Variants in SEPTIN3 observed in about 807,000 individuals in gnomAD.
The protein encoded by SEPTIN3 is septin 3.
SEPTIN3 carries 15 observed loss-of-function variants against 45.1 expected under a neutral mutation model. The observed-to-expected ratio is 0.33, with a 90% CI of 0.22 to 0.51. SEPTIN3 has a LOEUF of 0.51. Ranked by LOEUF, SEPTIN3 falls within the 20% of genes least tolerant of loss-of-function variation. SEPTIN3 has a pLI of 0.97. For synonymous variants in SEPTIN3, 148 were observed against 164.8 expected (o/e 0.90, Z 0.78); for missense variants, 289 against 457.2 (o/e 0.63, Z 3.35).
At chr22:41,977,885 C>T (rs2078055848) in intron 2 of SEPTIN3, among the ~76,000 whole-genome samples, 1 of 152,184 alleles carries the variant, frequency 6.6e-6, no homozygotes, top group Admixed American at 6.5e-5. Flanking sequence ...TTGGCTGCAA[C>T]CGAGTCAGGT....
chr22:41,982,463 ACG>A (rs1556252539), intron 3 of SEPTIN3, among the ~76,000 whole-genome samples: 2 of 151,480 alleles, frequency 1.3e-5, no homozygotes, highest in East Asian at 2.0e-4. Context: ...AGCTGAGATC[ACG>A]CCATTGCACT....
At chr22:41,977,197 C>G (rs2078042304) in intron 2 of SEPTIN3, 2 of 876,648 alleles carry the variant, frequency 2.3e-6, no homozygotes, top group Non-Finnish European at 3.4e-6. Flanking sequence ...GTGACAGATG[C>G]GCGGACACAC....
At chr22:41,974,621 C>T (rs1397261705) in intron 2 of SEPTIN3, among the ~76,000 whole-genome samples, 1 of 149,802 alleles carries the variant, frequency 6.7e-6, no homozygotes, top group Non-Finnish European at 1.5e-5. Flanking sequence ...CGAGATTGCG[C>T]CACTGCAATC....
intron 3 of SEPTIN3, among the ~76,000 whole-genome samples, chr22:41,983,578 C>G (rs1442483620): frequency 6.6e-6 from 1 of 152,234 alleles, no homozygotes; most frequent in African/African-American, 2.4e-5. Flanking sequence ...TCCCATCTAG[C>G]ATTGTACTCC....
chr22:41,992,848 G>C (rs73417074), intron 9 of SEPTIN3, 85 bp downstream of exon 9: 15 of 900,444 alleles, frequency 1.7e-5, no homozygotes, highest in Non-Finnish European at 2.5e-5. Context: ...TCAAGGCACT[G>C]TCTCAGGACA....
intron 7 of SEPTIN3, 77 bp from the exon 8 acceptor site, chr22:41,991,496 C>T: frequency 9.6e-7 from 1 of 1,040,826 alleles, no homozygotes. Context: ...GACCTCAGCT[C>T]ACGCACACAG....
chr22:41,975,677 G>A lies in SEPTIN3; in HGVS notation c.1504+2681G>A, dbSNP rs141519469. ...TTTTATTAGGTGCCTAGAAACCCGG[G>A]TATCCTCTTCTTCCTCATCTCTCTC... On this transcript the variant is annotated intron_variant, in intron 2 of 11. Transcript: ENST00000644076. Among the ~76,000 whole-genome samples, 4 of 152,198 alleles carry A rather than the reference G, an allele frequency of 2.6e-5. No homozygotes were observed. In the South Asian group the frequency reaches 6.2e-4, roughly 24 times the overall value.
intron 11 of SEPTIN3, chr22:41,995,696 T>A: frequency 4.1e-6 from 4 of 985,440 alleles, no homozygotes; most frequent in Non-Finnish European, 4.8e-6. Flanking sequence ...ACAAACAGAT[T>A]GCCAGAGAAA....
chr22:41,980,481 A>G (rs975631084), intron 2 of SEPTIN3, among the ~76,000 whole-genome samples: 4 of 152,076 alleles, frequency 2.6e-5, no homozygotes, highest in Non-Finnish European at 5.9e-5. Flanking sequence ...AGCTCACCAC[A>G]GTCTTAGTGA....
In SEPTIN3 at chr22:41,996,956, A is replaced by C; in HGVS notation, c.2560A>C (p.Thr854Pro). 1 of 1,613,834 alleles carries C rather than the reference A, an allele frequency of 6.2e-7. No homozygotes were observed. Among genetic ancestry groups the C allele is most frequent in the Non-Finnish European group, 8.5e-7 (1 of 1,179,864 alleles). ...ACCTGTGCCAGCCACCCCCTGCCCC[A>C]CTGCTGAATGAAGGCCATTTCAAGC... ...LPPVPATPCP[T>P]AE The change falls in exon 12 of 12, where the codon ACT (threonine) becomes CCT (proline). Residue 854 changes from threonine to proline, a missense_variant. This residue lies in a region of SEPTIN3 where 84 missense variants were observed against 114.7 expected (regional missense o/e 0.73). Coordinates refer to ENST00000644076, the MANE Select transcript of SEPTIN3 (RefSeq NM_001363845.2).
chr22:41,981,694 G>C lies in SEPTIN3; in HGVS notation c.1554G>C (p.Glu518Asp). ...TDAAMSELVP[E>D]PRPKPAVPMK... ...CAGCCATGTCAGAGCTGGTGCCTGA[G>C]CCCAGGCCTAAGCCAGCGGTGCCCA... Residue 518 changes from glutamate (E) to aspartate (D), a missense_variant, in exon 3 of 12, where the codon GAG (glutamate) becomes GAC (aspartate). Around this residue, in one of 3 missense-constraint regions of SEPTIN3, gnomAD observed 200 missense variants for 315.1 expected, o/e 0.63. Coordinates refer to ENST00000644076, the MANE Select transcript of SEPTIN3 (RefSeq NM_001363845.2). 6.2e-7 allele frequency: 1 copy of C among 1,613,870 alleles called. No homozygotes were observed. Among genetic ancestry groups the C allele is most frequent in the South Asian group, 1.1e-5 (1 of 91,050 alleles).
chr22:41,969,897 G>C (rs976344804), intron 1 of SEPTIN3, among the ~76,000 whole-genome samples: 3 of 152,136 alleles, frequency 2.0e-5, no homozygotes, highest in Non-Finnish European at 4.4e-5. Context: ...GTAAACGTGT[G>C]TGCCCAAGTG....
intron 2 of SEPTIN3, among the ~76,000 whole-genome samples, chr22:41,975,421 C>T (rs1178382854): frequency 6.6e-6 from 1 of 152,150 alleles, no homozygotes; most frequent in Non-Finnish European, 1.5e-5. Flanking sequence ...CCCACACACT[C>T]AGTCTGGGCA....
At position 41,972,043 on chromosome 22, in the gene SEPTIN3, AGCCCCT is replaced by A. The variant is rs1487333566; in HGVS notation, c.553_558del (p.Pro185_Leu186del). 1.8e-5 allele frequency: 7 copies of A among 399,030 alleles called. No homozygotes were observed. The highest frequency in any genetic ancestry group is 3.1e-5 in the Non-Finnish European group (7 of 226,148). 24.7% of individuals were successfully genotyped at this position (399,030 alleles called of 1,614,324 possible). On this transcript the variant is annotated inframe_deletion, in exon 2 of 12. Transcript: ENST00000644076. ...TCCAACAGGATGCTTGCCACGGAGA[AGCCCCT>A]GGTGAGTTCCTACCTAGCCTTACCT...
At chr22:41,971,118 C>CA (rs1362771921) in intron 1 of SEPTIN3, among the ~76,000 whole-genome samples, 1 of 152,180 alleles carries the variant, frequency 6.6e-6, no homozygotes, top group Non-Finnish European at 1.5e-5. Context: ...ATGTGACCTC[C>CA]ATAGAGCTGT....
At chr22:41,989,126 C>CAAAAAAAA (rs71184854) in intron 6 of SEPTIN3, among the ~76,000 whole-genome samples, 3 of 88,592 alleles carry the variant, frequency 3.4e-5, no homozygotes, top group Admixed American at 1.3e-4. Flanking sequence ...GACCCTGTCT[C>CAAAAAAAA]AAAAAAAAAA....
intron 2 of SEPTIN3, chr22:41,981,441 C>T: frequency 3.7e-6 from 2 of 544,366 alleles, no homozygotes; most frequent in Non-Finnish European, 3.3e-6. Context: ...CTCTGACCTG[C>T]TCTGTGTTCT....
At chr22:41,989,727 CT>C in intron 7 of SEPTIN3, 43 bp downstream of exon 7, 1 of 1,306,890 alleles carries the variant, frequency 7.7e-7, no homozygotes, top group South Asian at 1.2e-5. Context: ...CCATCCCCTC[CT>C]TTCTCTCCGC....
At position 41,972,986 on chromosome 22, in the gene SEPTIN3, A is replaced by C. The variant is rs576026343; in HGVS notation, c.1494A>C (p.Thr498=). The change falls in exon 2 of 12, where the codon ACA becomes ACC. Residue 498 remains threonine (T), a synonymous_variant. Coordinates refer to ENST00000644076, the MANE Select transcript of SEPTIN3 (RefSeq NM_001363845.2). ...AGCCTGCCTCACTGGACCTGGCCAC[A>C]GAATACAAAGGTAAATGCAGAAACT... ...ATEPASLDLA[T]EYKGLPETRT... The C allele has an allele frequency of 7.5e-6, 3 of 398,864 alleles. No homozygotes were observed. The highest frequency in any genetic ancestry group is 1.3e-5 in the Non-Finnish European group (3 of 226,188). The allele number at this position is 398,864 out of a possible 1,614,324, so 24.7% of individuals were successfully genotyped here. A position where few individuals can be genotyped will look rare whatever the true frequency, so the allele number is the denominator to read the frequency against.
Sources: allele counts gnomAD v4.1 joint callset (sites outside exome capture counted in the v4.1 genomes callset), GRCh38; gene constraint gnomAD v4.1.1; regional missense constraint gnomAD v4.1.1; transcripts MANE v1.5; gene names NCBI Gene and HGNC (gene_info 2026-07-23, HGNC 2026-07-21).